PTPN13: variants seen among roughly 807,000 people sequenced by gnomAD.
The protein encoded by PTPN13 is protein tyrosine phosphatase non-receptor type 13, also known as tyrosine-protein phosphatase non-receptor type 13.
In PTPN13, 191 loss-of-function variants were observed where a neutral mutation model predicts 284.0. The observed-to-expected ratio is 0.67, with a 90% confidence interval of 0.60 to 0.76. The LOEUF (loss-of-function observed/expected upper bound fraction) is 0.76, where lower values mean the gene tolerates loss of function less well. PTPN13 is among the 30% of genes least tolerant of loss of function. PTPN13 has a pLI of 0.00. For missense variants in PTPN13, 2,797 were observed against 2,939.9 expected, an observed-to-expected ratio of 0.95 and a Z score of 1.12; for synonymous variants, 986 against 1,022.3, an observed-to-expected ratio of 0.96 and a Z score of 0.68.
intron 2 of PTPN13, among the ~76,000 whole-genome samples, chr4:86,636,047 C>A (rs1171200019): frequency 6.6e-6 from 1 of 151,944 alleles, no homozygotes; most frequent in African/African-American, 2.4e-5. Flanking sequence ...ATGACAAAGG[C>A]TAAAAAGGAG....
chr4:86,767,713 G>T, intron 27 of PTPN13, 104 bp from the exon 28 acceptor site: 3 of 896,776 alleles, frequency 3.3e-6, no homozygotes, highest in African/African-American at 1.7e-5. Flanking sequence ...AAATTTGGTA[G>T]TTACTTTAAA....
intron 1 of PTPN13, among the ~76,000 whole-genome samples, chr4:86,599,208 G>C (rs1764088041): frequency 6.6e-6 from 1 of 152,132 alleles, no homozygotes; most frequent in Admixed American, 6.5e-5. Flanking sequence ...GACTCTACTA[G>C]AATAGAGTGT....
chr4:86,808,279 T>C (rs1744862759), intron 45 of PTPN13, among the ~76,000 whole-genome samples: 2 of 152,326 alleles, frequency 1.3e-5, no homozygotes, highest in Non-Finnish European at 1.5e-5. Flanking sequence ...GTAGAAAATA[T>C]TCCCTCATAA....
chr4:86,789,218 T>G (rs543993261), intron 40 of PTPN13, among the ~76,000 whole-genome samples: 13 of 152,266 alleles, frequency 8.5e-5, no homozygotes, highest in African/African-American at 2.9e-4. Context: ...CTCTTGCCAC[T>G]GAAATGGATC....
rs1735310734 is a variant in PTPN13, at chr4:86,734,780, G to C, written c.2056G>C (p.Asp686His). 3.1e-6 allele frequency: 5 copies of C among 1,613,328 alleles called. No individual in the cohort carries two copies. The highest frequency in any genetic ancestry group is 4.2e-6 in the Non-Finnish European group (5 of 1,179,454). The change falls in exon 14 of 48, where the codon GAT becomes CAT. Residue 686 changes from aspartate (D) to histidine (H), a missense_variant. By Grantham distance (81) the Asp-to-His change is moderately conservative (BLOSUM62 -1). Coordinates refer to ENST00000411767, the MANE Select transcript of PTPN13 (RefSeq NM_080683.3). ...TCAGTATTACCTTCAGCTTCGAAAA[G>C]ATATTTTGGAGGAAAGGATGCACTG... ...CHQYYLQLRK[D>H]ILEERMHCDD...
chr4:86,788,153 T>G (rs1455333184), intron 40 of PTPN13, among the ~76,000 whole-genome samples: 1 of 152,172 alleles, frequency 6.6e-6, no homozygotes, highest in Non-Finnish European at 1.5e-5. Flanking sequence ...TTTATTTGTA[T>G]CTAATTCTAG....
intron 23 of PTPN13, among the ~76,000 whole-genome samples, chr4:86,760,209 A>T (rs916883075): frequency 6.6e-6 from 1 of 152,174 alleles, no homozygotes; most frequent in Non-Finnish European, 1.5e-5. Context: ...ATAGAAGGGA[A>T]ATAGAAAACA....
Position 86,729,352 on chromosome 4 carries a change from T to C in PTPN13, c.1609-3048T>C, listed in dbSNP as rs1444391968. The stretch of plus-strand genomic sequence containing the variant: ...TTCTTCTCAAGGAGTATCTTTGTGG[T>C]GTTCTCTTTATTTCCTGAATTTGAA... On this transcript the variant is annotated intron_variant, in intron 10 of 47. Transcript: ENST00000411767. Among the ~76,000 whole-genome samples, 10 of 149,244 alleles carry C rather than the reference T, an allele frequency of 6.7e-5. 1 individual carries two copies. Among genetic ancestry groups the C allele is most frequent in the Non-Finnish European group, 1.2e-4 (8 of 66,536 alleles).
At chr4:86,752,361 T>C (rs1255773210) in intron 19 of PTPN13, among the ~76,000 whole-genome samples, 1 of 152,174 alleles carries the variant, frequency 6.6e-6, no homozygotes. Context: ...GAAGCAACAT[T>C]ACTTTATTAA....
chr4:86,640,827 C>A (rs1399457405), intron 2 of PTPN13, among the ~76,000 whole-genome samples: 2 of 152,032 alleles, frequency 1.3e-5, no homozygotes, highest in African/African-American at 4.8e-5. Context: ...AAAGACTTAC[C>A]AGATGTATTA....
intron 40 of PTPN13, among the ~76,000 whole-genome samples, chr4:86,790,443 A>T (rs538371499): frequency 6.6e-6 from 1 of 152,136 alleles, no homozygotes; most frequent in East Asian, 1.9e-4. Context: ...GAGCTTAATG[A>T]TGGAGAGGAA....
Position 86,701,421 on chromosome 4 carries a change from T to C in PTPN13, c.815T>C (p.Phe272Ser), listed in dbSNP as rs1217298953. 3 of 1,613,548 alleles carry C rather than the reference T, an allele frequency of 1.9e-6. No individual in the cohort carries two copies. Among genetic ancestry groups the C allele is most frequent in the East Asian group, 4.5e-5 (2 of 44,896 alleles). The stretch of plus-strand genomic sequence containing the variant: ...GGACGTGAAGATTCTGAAAATACAT[T>C]CTCCCCTTACCAGTTCAAAACTAGT... The part of the protein sequence containing the change: ...NSGREDSENT[F>S]SPYQFKTSGP... The change falls in exon 7 of 48, where the codon TTC becomes TCC. Residue 272 changes from phenylalanine to serine, a missense_variant. Physicochemically the swap from Phe to Ser is radical, Grantham distance 155. Coordinates refer to ENST00000411767, the MANE Select transcript of PTPN13 (RefSeq NM_080683.3).
At chr4:86,712,495 A>T (rs1401379031) in intron 7 of PTPN13, among the ~76,000 whole-genome samples, 1 of 152,094 alleles carries the variant, frequency 6.6e-6, no homozygotes, top group African/African-American at 2.4e-5. Context: ...TTTATTATTC[A>T]TAAATTTTCC....
intron 7 of PTPN13, among the ~76,000 whole-genome samples, chr4:86,714,840 A>T (rs916956013): frequency 6.6e-6 from 1 of 152,212 alleles, no homozygotes; most frequent in Non-Finnish European, 1.5e-5. Flanking sequence ...TCTTTTTCTC[A>T]GAGAACTTAT....
intron 2 of PTPN13, among the ~76,000 whole-genome samples, chr4:86,648,968 G>T (rs1173394167): frequency 6.6e-6 from 1 of 152,028 alleles, no homozygotes; most frequent in Non-Finnish European, 1.5e-5. Flanking sequence ...AAATTTATCT[G>T]ATGATTAGTG....
chr4:86,718,800 T>A (rs906037120), intron 9 of PTPN13, among the ~76,000 whole-genome samples: 1 of 152,192 alleles, frequency 6.6e-6, no homozygotes, highest in Admixed American at 6.6e-5. Flanking sequence ...TTGTACTTTT[T>A]AAAATAGTCT....
intron 7 of PTPN13, among the ~76,000 whole-genome samples, chr4:86,710,208 T>C (rs1732235580): frequency 6.6e-6 from 1 of 152,208 alleles, no homozygotes; most frequent in Non-Finnish European, 1.5e-5. Context: ...TCTTTAAAAA[T>C]GTGAGATTTT....
intron 35 of PTPN13, among the ~76,000 whole-genome samples, chr4:86,776,462 CACT>C (rs1269737823): frequency 5.3e-5 from 8 of 152,220 alleles, no homozygotes; most frequent in Non-Finnish European, 1.2e-4. Context: ...TCTCACCAAT[CACT>C]ACTATTTAAG....
intron 2 of PTPN13, among the ~76,000 whole-genome samples, chr4:86,640,486 A>T (rs1162082883): frequency 6.6e-6 from 1 of 152,222 alleles, no homozygotes; most frequent in Non-Finnish European, 1.5e-5. Flanking sequence ...GATCCAAATA[A>T]GTAGGTGTCA....
Sources: allele counts gnomAD v4.1 joint callset (sites outside exome capture counted in the v4.1 genomes callset), GRCh38; gene constraint gnomAD v4.1.1; transcripts MANE v1.5; gene names NCBI Gene and HGNC (gene_info 2026-07-23, HGNC 2026-07-21).